SLC6A9: variants seen among roughly 807,000 people sequenced by gnomAD.
SLC6A9 encodes the protein sodium- and chloride-dependent glycine transporter 1.
Under a neutral mutation model 70.9 loss-of-function variants are expected in SLC6A9, and 31 were observed. The observed-to-expected ratio is 0.44, with a 90% CI of 0.33 to 0.59. The LOEUF is 0.59. SLC6A9 is among the 20% of genes least tolerant of loss of function. The pLI is 0.04. For synonymous variants in SLC6A9, 310 were observed against 341.3 expected, an observed-to-expected ratio of 0.91 and a Z score of 1.01; for missense variants, 631 against 845.2, an observed-to-expected ratio of 0.75 and a Z score of 3.14.
chr1:44,028,066 C>A (rs2087014763), intron 1 of SLC6A9, among the ~76,000 whole-genome samples: 1 of 152,102 alleles, frequency 6.6e-6, no homozygotes, highest in Admixed American at 6.5e-5. Flanking sequence ...GGGGGCCTGG[C>A]CTTGTGTAAG....
At chr1:44,005,290 A>C (rs2086268451) in intron 5 of SLC6A9, among the ~76,000 whole-genome samples, 1 of 152,136 alleles carries the variant, frequency 6.6e-6, no homozygotes, top group Non-Finnish European at 1.5e-5. Flanking sequence ...AGGGGACTGG[A>C]AGGCAAGATT....
intron 1 of SLC6A9, 38 bp from the exon 2 acceptor site, chr1:44,024,400 G>T (rs766389235): frequency 7.9e-7 from 1 of 1,272,694 alleles, no homozygotes; most frequent in Non-Finnish European, 1.1e-6. Flanking sequence ...GGACTTGGCC[G>T]TGTGGCCCAC....
intron 2 of SLC6A9, among the ~76,000 whole-genome samples, chr1:44,023,961 T>A (rs2086934783): frequency 6.6e-6 from 1 of 152,260 alleles, no homozygotes; most frequent in Non-Finnish European, 1.5e-5. Context: ...CCGCGTCCAC[T>A]GTCCTCTCAG....
chr1:44,031,165 A>ATCAC (rs2087109473), intron 1 of SLC6A9, 141 bp downstream of exon 1: 3 of 98,242 alleles, frequency 3.1e-5, no homozygotes, highest in African/African-American at 1.5e-4. Flanking sequence ...TACATGCGCG[A>ATCAC]TCACACACAC....
In SLC6A9 at chr1:44,013,703, G is replaced by T. The variant is rs1380007299; in HGVS notation, c.31-2821C>A. Reference sequence around the variant, plus strand: ...ACGCTCAGGTGGCTTGGCTGGGGAGGGCTGAGCTCTCAGCGGACGACAGAG... The same window carrying T: ...ACGCTCAGGTGGCTTGGCTGGGGAGTGCTGAGCTCTCAGCGGACGACAGAG... On this transcript the variant is annotated intron_variant, in intron 2 of 13. Coordinates refer to ENST00000372310, the MANE Select transcript of SLC6A9 (RefSeq NM_001024845.3). The surrounding 1 kb of genome is among the most constrained non-coding windows in gnomAD (Gnocchi z 5.3). Among the ~76,000 whole-genome samples, 2 of 152,036 alleles carry T rather than the reference G, an allele frequency of 1.3e-5. No individual in the cohort carries two copies. The highest frequency in any genetic ancestry group is 2.9e-5 in the Non-Finnish European group (2 of 67,996).
At chr1:44,029,555 T>C (rs2087054017) in intron 1 of SLC6A9, among the ~76,000 whole-genome samples, 1 of 152,178 alleles carries the variant, frequency 6.6e-6, no homozygotes, top group African/African-American at 2.4e-5. Flanking sequence ...CCCAATGCTA[T>C]TATCTTCATG....
chr1:44,010,798 T>A lies in SLC6A9; in HGVS notation c.115A>T (p.Thr39Ser), dbSNP rs1334638313. The change falls in exon 3 of 14, where the codon ACG (threonine) becomes TCG (serine). Residue 39 changes from threonine to serine, a missense_variant. Thr to Ser is a moderately conservative substitution (Grantham distance 58, BLOSUM62 1). Transcript: ENST00000372310. Reference sequence around the variant, plus strand: ...AGGCCCACGGCATAGCCCACGCTCGTCAGTACAAACTCGATCTGGTTGCCC... The same window carrying A: ...AGGCCCACGGCATAGCCCACGCTCGACAGTACAAACTCGATCTGGTTGCCC... ...NWGNQIEFVL[T>S]SVGYAVGLGN... 5 of 1,614,030 alleles carry A rather than the reference T, an allele frequency of 3.1e-6. No individual in the cohort carries two copies. The highest frequency in any genetic ancestry group is 1.3e-5 in the African/African-American group (1 of 74,930).
At chr1:43,998,986 G>GGT (rs936842719) in intron 12 of SLC6A9, among the ~76,000 whole-genome samples, 3 of 151,378 alleles carry the variant, frequency 2.0e-5, no homozygotes, top group South Asian at 2.1e-4. Context: ...GGGGGAAGGG[G>GGT]GGGGGCAGTC....
intron 2 of SLC6A9, chr1:44,015,998 G>A (rs2086728456): frequency 3.4e-6 from 1 of 297,842 alleles, no homozygotes; most frequent in Non-Finnish European, 5.0e-6. Flanking sequence ...AGATGAGAGA[G>A]GCAAGAATAC....
At chr1:44,005,726 G>A (rs1214983512) in intron 5 of SLC6A9, among the ~76,000 whole-genome samples, 1 of 152,260 alleles carries the variant, frequency 6.6e-6, no homozygotes, top group Non-Finnish European at 1.5e-5. Context: ...TAGATAACAT[G>A]CCTGGCACCT....
chr1:44,008,739 T>C (rs2086422288), intron 4 of SLC6A9, 116 bp from the exon 5 acceptor site: 2 of 815,858 alleles, frequency 2.5e-6, no homozygotes, highest in Non-Finnish European at 1.9e-6. Context: ...GGAGTCTAGC[T>C]CTGTTGCCCA....
rs747358784 is a variant in SLC6A9 at position 44,001,369 on chromosome 1, T to C, written c.1200+21A>G. The C allele has an allele frequency of 8.7e-6, 14 of 1,612,778 alleles. No individual in the cohort carries two copies. In the Admixed American group the frequency reaches 2.3e-4, roughly 27 times the overall value. On this transcript the variant is annotated intron_variant, in intron 9 of 13. Coordinates refer to ENST00000372310, the MANE Select transcript of SLC6A9 (RefSeq NM_001024845.3). Reference sequence around the variant, plus strand: ...TCCCCTCCCTTCCCCAAGCCTCCGGTCCACGTCCTGCACCTCGTACCTGAG... The same window carrying C: ...TCCCCTCCCTTCCCCAAGCCTCCGGCCCACGTCCTGCACCTCGTACCTGAG...
At chr1:44,000,166 G>C (rs1324639567) in intron 12 of SLC6A9, among the ~76,000 whole-genome samples, 1 of 152,220 alleles carries the variant, frequency 6.6e-6, no homozygotes, top group Non-Finnish European at 1.5e-5. Flanking sequence ...CATGGGAATG[G>C]TGTGTGGAAA....
chr1:44,024,569 T>C (rs2086947698), intron 1 of SLC6A9, among the ~76,000 whole-genome samples: 1 of 152,238 alleles, frequency 6.6e-6, no homozygotes, highest in Non-Finnish European at 1.5e-5. Flanking sequence ...TCTCCAGGCT[T>C]CCTGTCCCAA....
intron 5 of SLC6A9, among the ~76,000 whole-genome samples, chr1:44,003,522 C>T (rs556897524): frequency 7.2e-5 from 11 of 152,034 alleles, no homozygotes; most frequent in Non-Finnish European, 2.9e-5. Context: ...TTTGGGAGGC[C>T]GTGGTGGGTG....
In SLC6A9 at chr1:44,002,422, G is replaced by A. The variant is rs200767498; in HGVS notation, c.859-6C>T. ...GAGGCAGCATCACCCCACACCTGCA[G>A]GGAAGGACCGGTGGGTGAGGAGCTG... On this transcript the variant is annotated splice_region_variant and splice_polypyrimidine_tract_variant and intron_variant, in intron 7 of 13. Transcript: ENST00000372310. The surrounding 1 kb of genome is among the most constrained non-coding windows in gnomAD (Gnocchi z 5.5). The A allele has an allele frequency of 3.1e-6, 5 of 1,613,834 alleles. No homozygotes were observed. The highest frequency in any genetic ancestry group is 3.3e-5 in the Admixed American group (2 of 60,016).
At position 44,023,730 on chromosome 1, in the gene SLC6A9, C is replaced by T. The variant is rs565903171; in HGVS notation, c.30+518G>A. On this transcript the variant is annotated intron_variant, in intron 2 of 13. Transcript: ENST00000372310. ...CTACCTCTCCCGTGTCTCGTGGCCT[C>T]ACCACTACCTCTCCTGTGCTCTAAG... Among the ~76,000 whole-genome samples the T allele has an allele frequency of 1.5e-4, 23 of 152,306 alleles. No homozygotes were observed. In the South Asian group the frequency reaches 4.8e-3, roughly 32 times the overall value.
Position 44,002,333 on chromosome 1 carries a change from C to G in SLC6A9, c.942G>C (p.Lys314Asn). The G allele has an allele frequency of 1.2e-6, 2 of 1,613,654 alleles. No homozygotes were observed. Among genetic ancestry groups the G allele is most frequent in the South Asian group, 1.1e-5 (1 of 91,076 alleles). Residue 314 changes from lysine to asparagine, a missense_variant, in exon 8 of 14, where the codon AAG (lysine) becomes AAC (asparagine). Transcript: ENST00000372310. The surrounding 1 kb of genome is among the most constrained non-coding windows in gnomAD (Gnocchi z 5.5). ...CTCACCGGTAACAGTTATTGTGGAA[C>G]TTGTTGTAGGAAGCCATGGTGATGA... is the stretch of plus-strand genomic sequence containing the variant. ...GGLITMASYN[K>N]FHNNCYRDSV...
intron 12 of SLC6A9, among the ~76,000 whole-genome samples, chr1:43,998,620 C>T (rs1446071832): frequency 6.6e-6 from 1 of 152,194 alleles, no homozygotes; most frequent in African/African-American, 2.4e-5. Flanking sequence ...CTTGGTTTAA[C>T]GTTCCCATAG....
Sources: gnomAD v4.1 joint callset for allele counts (sites outside exome capture counted in the v4.1 genomes callset) on GRCh38, gnomAD v4.1.1 for gene constraint, Gnocchi (gnomAD v3.1) non-coding constraint, MANE v1.5 for transcripts, NCBI Gene and HGNC (gene_info 2026-07-23, HGNC 2026-07-21) for gene names.